Variants in SHISA6 observed in about 807,000 individuals in gnomAD.
The protein encoded by SHISA6 is protein shisa-6.
In SHISA6, 22 loss-of-function variants were observed where a neutral mutation model predicts 47.9. That is an observed-to-expected ratio of 0.46 (90% CI 0.33 to 0.66). The LOEUF (loss-of-function observed/expected upper bound fraction) is 0.66, where lower values mean the gene tolerates loss of function less well. Ranked by LOEUF, SHISA6 falls within the 30% of genes least tolerant of loss-of-function variation. SHISA6 has a pLI of 0.02. For synonymous variants in SHISA6, 388 were observed against 337.8 expected, an observed-to-expected ratio of 1.15 and a Z score of -1.63; for missense variants, 680 against 764.6, an observed-to-expected ratio of 0.89 and a Z score of 1.30.
chr17:11,325,218 C>T (rs984729205), intron 2 of SHISA6, among the ~76,000 whole-genome samples: 2 of 152,180 alleles, frequency 1.3e-5, no homozygotes, highest in Non-Finnish European at 2.9e-5. Context: ...GGATGCTGGC[C>T]TCTGTGTTTC....
intron 3 of SHISA6, among the ~76,000 whole-genome samples, chr17:11,429,871 A>AC (rs1274163144): frequency 7.2e-5 from 11 of 152,024 alleles, no homozygotes; most frequent in South Asian, 2.1e-4. Flanking sequence ...AAAAAAAAAA[A>AC]AACAATAAAC....
At chr17:11,369,368 C>T (rs1489681907) in intron 2 of SHISA6, among the ~76,000 whole-genome samples, 1 of 152,200 alleles carries the variant, frequency 6.6e-6, no homozygotes, top group African/African-American at 2.4e-5. Flanking sequence ...CATTCATCAC[C>T]AATGTCTCAG....
At chr17:11,440,821 G>A in intron 3 of SHISA6, among the ~76,000 whole-genome samples, 1 of 151,898 alleles carries the variant, frequency 6.6e-6, no homozygotes, top group East Asian at 1.9e-4. Context: ...GGAGATGTGG[G>A]TATGGCCCCT....
At chr17:11,305,201 G>A (rs1446031235) in intron 2 of SHISA6, among the ~76,000 whole-genome samples, 1 of 152,088 alleles carries the variant, frequency 6.6e-6, no homozygotes, top group African/African-American at 2.4e-5. Flanking sequence ...ACTCATTAGG[G>A]GTATACTGTT....
chr17:11,556,100 C>T (rs1316738155), intron 5 of SHISA6, among the ~76,000 whole-genome samples: 1 of 152,228 alleles, frequency 6.6e-6, no homozygotes, highest in East Asian at 1.9e-4. Context: ...AGAAAGAAGA[C>T]CATGGAATCC....
At chr17:11,403,209 A>T (rs543567579) in intron 3 of SHISA6, among the ~76,000 whole-genome samples, 1 of 152,312 alleles carries the variant, frequency 6.6e-6, no homozygotes, top group South Asian at 2.1e-4. Context: ...CATGATTAGA[A>T]TCACTCAAGT....
chr17:11,255,686 C>A (rs570790386), intron 1 of SHISA6, among the ~76,000 whole-genome samples: 1 of 152,112 alleles, frequency 6.6e-6, no homozygotes, highest in Non-Finnish European at 1.5e-5. Context: ...AAATATGGGG[C>A]GTGGATGGTC....
intron 3 of SHISA6, among the ~76,000 whole-genome samples, chr17:11,492,268 A>G (rs2071368392): frequency 6.6e-6 from 1 of 152,150 alleles, no homozygotes; most frequent in Non-Finnish European, 1.5e-5. Flanking sequence ...TCAGCCTCTT[A>G]GTGTTCAATC....
At chr17:11,262,094 T>C (rs896749766) in intron 1 of SHISA6, among the ~76,000 whole-genome samples, 1 of 152,220 alleles carries the variant, frequency 6.6e-6, no homozygotes, top group African/African-American at 2.4e-5. Flanking sequence ...AGTTAGTTTT[T>C]TATATGGTGT....
intron 2 of SHISA6, among the ~76,000 whole-genome samples, chr17:11,306,679 G>A (rs186423411): frequency 2.2e-4 from 33 of 152,266 alleles, no homozygotes; most frequent in Admixed American, 1.7e-3. Flanking sequence ...ACAGTCACAG[G>A]TTTTTTCAGG....
chr17:11,438,273 C>T (rs535937282), intron 3 of SHISA6, among the ~76,000 whole-genome samples: 85 of 152,298 alleles, frequency 5.6e-4, no homozygotes, highest in African/African-American at 2.0e-3. Context: ...AAACATTAAA[C>T]ATCAAATTAT....
chr17:11,422,163 G>A (rs994583620), intron 3 of SHISA6, among the ~76,000 whole-genome samples: 2 of 152,180 alleles, frequency 1.3e-5, no homozygotes, highest in African/African-American at 4.8e-5. Context: ...ACACTCTCAG[G>A]CTGAGCATGT....
At chr17:11,411,002 T>C (rs1567598626) in intron 3 of SHISA6, among the ~76,000 whole-genome samples, 1 of 152,214 alleles carries the variant, frequency 6.6e-6, no homozygotes, top group East Asian at 1.9e-4. Flanking sequence ...AGAGTCTCAC[T>C]CTATCGCCCA....
intron 2 of SHISA6, among the ~76,000 whole-genome samples, chr17:11,333,833 T>G (rs1255219134): frequency 6.6e-6 from 1 of 152,070 alleles, no homozygotes; most frequent in African/African-American, 2.4e-5. Flanking sequence ...TCATGAAAAC[T>G]CTACAAAAAC....
intron 2 of SHISA6, among the ~76,000 whole-genome samples, chr17:11,378,543 G>T (rs1308495527): frequency 6.6e-6 from 1 of 152,162 alleles, no homozygotes; most frequent in Non-Finnish European, 1.5e-5. Flanking sequence ...CTTTAGGAGG[G>T]CATTTAGGGA....
chr17:11,243,685 A>G (rs1907464264), intron 1 of SHISA6, among the ~76,000 whole-genome samples: 1 of 152,220 alleles, frequency 6.6e-6, no homozygotes, highest in Non-Finnish European at 1.5e-5. Context: ...GCCCGTGGGC[A>G]GGTGCTGTCC....
chr17:11,353,413 C>T (rs986328521), intron 2 of SHISA6, among the ~76,000 whole-genome samples: 11 of 150,362 alleles, frequency 7.3e-5, no homozygotes, highest in African/African-American at 2.5e-4. Context: ...GCCGAGATCA[C>T]GCCACCGCAC....
chr17:11,447,238 G>A (rs184746766), intron 3 of SHISA6, among the ~76,000 whole-genome samples: 27 of 152,306 alleles, frequency 1.8e-4, no homozygotes, highest in African/African-American at 4.1e-4. Flanking sequence ...ACAGTTTTCC[G>A]AGGAGGGAAG....
chr17:11,243,089 TA>T (rs1907435598), intron 1 of SHISA6, among the ~76,000 whole-genome samples: 1 of 151,782 alleles, frequency 6.6e-6, no homozygotes, highest in Admixed American at 6.6e-5. Flanking sequence ...GGCACTGCCC[TA>T]GTCACCATGA....
Sources: gnomAD v4.1 joint callset for allele counts (sites outside exome capture counted in the v4.1 genomes callset) on GRCh38, gnomAD v4.1.1 for gene constraint, MANE v1.5 for transcripts, NCBI Gene and HGNC (gene_info 2026-07-23, HGNC 2026-07-21) for gene names.